Variants in MYO15A observed in about 807,000 individuals in gnomAD.
The protein encoded by MYO15A is myosin XVA, also known as unconventional myosin-XV.
A neutral mutation model predicts 394.6 loss-of-function variants in MYO15A; 308 were observed. That is an observed-to-expected ratio of 0.78 (90% CI 0.71 to 0.86). MYO15A has a LOEUF of 0.86. Among genes scored for constraint, MYO15A ranks in the 40% least tolerant of loss-of-function variants. The pLI is 0.00. For missense variants in MYO15A, 4,606 were observed against 4,799.1 expected (o/e 0.96, Z 1.19); for synonymous variants, 1,957 against 2,003.8 (o/e 0.98, Z 0.62).
In MYO15A at chr17:18,156,179, C is replaced by T; in HGVS notation, c.8460-16C>T. 1 of 1,613,994 alleles carries T rather than the reference C, an allele frequency of 6.2e-7. No homozygotes were observed. Among genetic ancestry groups the T allele is most frequent in the Non-Finnish European group, 8.5e-7 (1 of 1,179,902 alleles). ...TCCCTCTGGCAGGGGAGTCATGCCA[C>T]CGGCCCATCCTCCAGCTTTGCAGAT... On this transcript the variant is annotated splice_polypyrimidine_tract_variant and intron_variant, in intron 47 of 65. Transcript: ENST00000647165.
At chr17:18,154,999 T>C in intron 45 of MYO15A, 111 bp from the exon 46 acceptor site, 3 of 1,090,584 alleles carry the variant, frequency 2.8e-6, no homozygotes, top group Non-Finnish European at 4.1e-6. Context: ...GTATAGACAC[T>C]GGTCAGATAC....
At chr17:18,143,646 G>A in intron 26 of MYO15A, 27 bp downstream of exon 26, 2 of 1,567,964 alleles carry the variant, frequency 1.3e-6, no homozygotes, top group African/African-American at 1.4e-5. Flanking sequence ...GTGGCAGCAG[G>A]GCCAAGGAGG....
At chr17:18,140,183 G>A (rs2046352983) in intron 19 of MYO15A, among the ~76,000 whole-genome samples, 1 of 152,180 alleles carries the variant, frequency 6.6e-6, no homozygotes, top group Non-Finnish European at 1.5e-5. Flanking sequence ...GCTTCCTCCT[G>A]TCAACTGGGC....
chr17:18,143,816 G>A lies in MYO15A; in HGVS notation c.6046+20G>A, dbSNP rs897497518. 26 of 1,573,226 alleles carry A rather than the reference G, an allele frequency of 1.7e-5. No individual in the cohort carries two copies. Among genetic ancestry groups the A allele is most frequent in the Non-Finnish European group, 2.2e-5 (25 of 1,159,350 alleles). Reference sequence around the variant, plus strand: ...TGGCAGGTGGGTCAGCACCAGGCGGGGGGAGGGCCCAGGCAGATCAGAGCA... The same window carrying A: ...TGGCAGGTGGGTCAGCACCAGGCGGAGGGAGGGCCCAGGCAGATCAGAGCA... On this transcript the variant is annotated intron_variant, in intron 27 of 65. Transcript: ENST00000647165.
chr17:18,149,144 G>T, intron 33 of MYO15A, 72 bp from the exon 34 acceptor site: 2 of 1,589,244 alleles, frequency 1.3e-6, no homozygotes, highest in Non-Finnish European at 1.7e-6. Flanking sequence ...GAATACCAGG[G>T]TGCAGAAGAA....
chr17:18,141,295 T>G lies in MYO15A; in HGVS notation c.5531+152T>G, dbSNP rs2046374816. ...GGCTACCACATGCTAACTGTTAATG[T>G]GGTAGATACATTTATTGTTTTGCCT... is the stretch of plus-strand genomic sequence containing the variant. On this transcript the variant is annotated intron_variant, in intron 22 of 65. Transcript: ENST00000647165. The G allele has an allele frequency of 4.2e-6, 5 of 1,197,794 alleles. No homozygotes were observed. The South Asian group carries it at 6.7e-5, about 16-fold the overall frequency. The allele number at this position is 1,197,794 out of a possible 1,614,324, so 74.2% of individuals were successfully genotyped here. A position where few individuals can be genotyped will look rare whatever the true frequency, so the allele number is the denominator to read the frequency against.
chr17:18,121,885 C>A lies in MYO15A; in HGVS notation c.3085C>A (p.Pro1029Thr), dbSNP rs759217854. 6.2e-7 allele frequency: 1 copy of A among 1,613,100 alleles called. No homozygotes were observed. The highest frequency in any genetic ancestry group is 1.7e-5 in the Admixed American group (1 of 60,030). ...GDPQLPAETK[P>T]PTPAPPKDVT... ...CCCCCAGCTGCCAGCAGAGACCAAG[C>A]CTCCAACCCCAGCACCTCCCAAGGA... Residue 1029 changes from proline (P) to threonine (T), a missense_variant, in exon 2 of 66, where the codon CCT becomes ACT. Physicochemically the swap from Pro to Thr is conservative, Grantham distance 38 (BLOSUM62 -1). Transcript: ENST00000647165. The surrounding 1 kb of genome is among the most constrained non-coding windows in gnomAD (Gnocchi z 5.3).
In MYO15A at chr17:18,147,182, C is replaced by T. The variant is rs1482610031; in HGVS notation, c.6510-847C>T. Reference sequence around the variant, plus strand: ...GCCTGAGACAAGTCACTGTCCCTCTCTGAACCTGTTTCTTCCCTATAATTT... The same window carrying T: ...GCCTGAGACAAGTCACTGTCCCTCTTTGAACCTGTTTCTTCCCTATAATTT... On this transcript the variant is annotated intron_variant, in intron 30 of 65. Coordinates refer to ENST00000647165, the MANE Select transcript of MYO15A (RefSeq NM_016239.4). This position sits in a 1 kb window ranked among gnomAD's most constrained non-coding sequence, Gnocchi z 4.4. Among the ~76,000 whole-genome samples, 1 of 152,220 alleles carries T rather than the reference C, an allele frequency of 6.6e-6. No individual in the cohort carries two copies. Among genetic ancestry groups the T allele is most frequent in the African/African-American group, 2.4e-5 (1 of 41,448 alleles).
intron 13 of MYO15A, 64 bp downstream of exon 13, chr17:18,135,888 G>T: frequency 6.8e-7 from 1 of 1,465,658 alleles, no homozygotes. Flanking sequence ...AGAGCTGCTT[G>T]TGCCGATCCT....
chr17:18,141,280 T>G, intron 22 of MYO15A, 137 bp downstream of exon 22: 1 of 1,288,252 alleles, frequency 7.8e-7, no homozygotes, highest in South Asian at 1.3e-5. Context: ...GGCTACCACA[T>G]GCTAACTGTT....
intron 56 of MYO15A, 120 bp downstream of exon 56, chr17:18,160,137 A>C: frequency 1.1e-6 from 1 of 925,618 alleles, no homozygotes; most frequent in Non-Finnish European, 1.7e-6. Context: ...TCTCACCCTC[A>C]TCCTCACTCA....
chr17:18,121,774 A>G lies in MYO15A; in HGVS notation c.2974A>G (p.Arg992Gly). 1.2e-6 allele frequency: 2 copies of G among 1,610,076 alleles called. No individual in the cohort carries two copies. Among genetic ancestry groups the G allele is most frequent in the Non-Finnish European group, 1.7e-6 (2 of 1,178,304 alleles). Residue 992 changes from arginine to glycine, a missense_variant, in exon 2 of 66, where the codon AGA becomes GGA. By Grantham distance (125) the Arg-to-Gly change is moderately radical. Coordinates refer to ENST00000647165, the MANE Select transcript of MYO15A (RefSeq NM_016239.4). This position sits in a 1 kb window ranked among gnomAD's most constrained non-coding sequence, Gnocchi z 5.3. ...AADMTRVFLG[R>G]HHEPGPGQLT... ...TGATATGACCAGGGTCTTCCTGGGCAGACACCATGAGCCGGGGCCTGGACA... is the reference window on the plus strand; with the variant it reads ...TGATATGACCAGGGTCTTCCTGGGCGGACACCATGAGCCGGGGCCTGGACA...
Position 18,114,241 on chromosome 17 carries a change from C to CTTTTTTT in MYO15A, c.-219-4321_-219-4315dup, listed in dbSNP as rs10583154. Among the ~76,000 whole-genome samples the CTTTTTTT allele has an allele frequency of 3.6e-3, 199 of 55,596 alleles. 47 individuals carry two copies. The highest frequency in any genetic ancestry group is 5.2e-3 in the Non-Finnish European group (161 of 31,158). The allele number at this position is 55,596 out of a possible 152,430, so 36.5% of individuals were successfully genotyped here. On this transcript the variant is annotated intron_variant, in intron 1 of 65. Coordinates refer to ENST00000647165, the MANE Select transcript of MYO15A (RefSeq NM_016239.4). ...CACCTTGTGACCACCACAGTCCTGT[C>CTTTTTTT]TTTTTTTTTTTTTTTTTTTTTTTTT... is the stretch of plus-strand genomic sequence containing the variant.
At position 18,150,683 on chromosome 17, in the gene MYO15A, G is replaced by T; in HGVS notation, c.7328-15G>T. ...ATCTCCGGTGCCATCTGTGCCTTCT[G>T]CCCCCTCCCCTCAGTCCCAGGCCTG... On this transcript the variant is annotated splice_polypyrimidine_tract_variant and intron_variant, in intron 36 of 65. Coordinates refer to ENST00000647165, the MANE Select transcript of MYO15A (RefSeq NM_016239.4). This position sits in a 1 kb window ranked among gnomAD's most constrained non-coding sequence, Gnocchi z 4.4. 6.3e-7 allele frequency: 1 copy of T among 1,590,394 alleles called. No homozygotes were observed. The highest frequency in any genetic ancestry group is 8.6e-7 in the Non-Finnish European group (1 of 1,167,064).
intron 62 of MYO15A, among the ~76,000 whole-genome samples, chr17:18,170,377 G>C (rs896014612): frequency 6.1e-5 from 9 of 148,440 alleles, no homozygotes; most frequent in Non-Finnish European, 1.2e-4. Flanking sequence ...TATTTATTTT[G>C]AGACAGAGTC....
At chr17:18,122,517 T>C (rs745765970) in intron 2 of MYO15A, 108 bp downstream of exon 2, 86 of 1,454,624 alleles carry the variant, frequency 5.9e-5, no homozygotes, top group Non-Finnish European at 7.4e-5. Flanking sequence ...GGCTGCTTGC[T>C]GGGGCCTCAG....
rs200689758 is a variant in MYO15A at position 18,139,490 on chromosome 17, G to C, written c.5134-44G>C. ...TCCAGTCCCTCCTAGGATAGACAGA[G>C]AGACAGAGGCCAGGATTACCCAGGC... On this transcript the variant is annotated intron_variant, in intron 18 of 65. Coordinates refer to ENST00000647165, the MANE Select transcript of MYO15A (RefSeq NM_016239.4). 7.0e-5 allele frequency: 111 copies of C among 1,596,104 alleles called. No individual in the cohort carries two copies. The Middle Eastern group carries it at 1.2e-3, about 17-fold the overall frequency.
rs2046524148 is a variant in MYO15A, at chr17:18,148,658, C to T, written c.6764+90C>T. On this transcript the variant is annotated intron_variant, in intron 32 of 65. Coordinates refer to ENST00000647165, the MANE Select transcript of MYO15A (RefSeq NM_016239.4). The surrounding 1 kb of genome is among the most constrained non-coding windows in gnomAD (Gnocchi z 4.8). ...GATCCCCCAGAGGGTCCCATAGGGT[C>T]CATTCTGTTCATGTTTAGGGTCTGG... 5.2e-6 allele frequency: 8 copies of T among 1,542,190 alleles called. No homozygotes were observed. Among genetic ancestry groups the T allele is most frequent in the Non-Finnish European group, 7.0e-6 (8 of 1,139,622 alleles).
At chr17:18,139,490 GAGAC>G in intron 18 of MYO15A, 40 bp from the exon 19 acceptor site, 1 of 1,596,106 alleles carries the variant, frequency 6.3e-7, no homozygotes. Context: ...GATAGACAGA[GAGAC>G]AGAGGCCAGG....
Sources: gnomAD v4.1 joint callset for allele counts (sites outside exome capture counted in the v4.1 genomes callset) on GRCh38, gnomAD v4.1.1 for gene constraint, Gnocchi (gnomAD v3.1) non-coding constraint, MANE v1.5 for transcripts, NCBI Gene and HGNC (gene_info 2026-07-23, HGNC 2026-07-21) for gene names.